Variants in CTNND2 observed in about 807,000 individuals in gnomAD.
CTNND2 encodes catenin delta-2.
CTNND2 carries 22 observed loss-of-function variants against 144.4 expected under a neutral mutation model. That is an observed-to-expected ratio of 0.15 (90% CI 0.11 to 0.22). The LOEUF is 0.22. Among genes scored for constraint, CTNND2 ranks in the 10% least tolerant of loss-of-function variants. CTNND2 has a pLI of 1.00. For synonymous variants in CTNND2, 751 were observed against 695.6 expected, an observed-to-expected ratio of 1.08 and a Z score of -1.25; for missense variants, 1,353 against 1,618.8, an observed-to-expected ratio of 0.84 and a Z score of 2.82.
At chr5:11,034,566 C>G (rs1328809127) in intron 16 of CTNND2, among the ~76,000 whole-genome samples, 1 of 152,162 alleles carries the variant, frequency 6.6e-6, no homozygotes, top group Non-Finnish European at 1.5e-5. Flanking sequence ...TCATGAAATA[C>G]AAAAACAATA....
At chr5:11,419,839 T>C (rs554109618) in intron 3 of CTNND2, among the ~76,000 whole-genome samples, 1 of 152,356 alleles carries the variant, frequency 6.6e-6, no homozygotes, top group Admixed American at 6.5e-5. Context: ...TATACTCTTA[T>C]TGTCTTTTTC....
At chr5:11,627,428 C>T (rs2126453947) in intron 2 of CTNND2, among the ~76,000 whole-genome samples, 1 of 152,158 alleles carries the variant, frequency 6.6e-6, no homozygotes, top group East Asian at 1.9e-4. Flanking sequence ...TTTAACACAG[C>T]CTCATCTACT....
intron 9 of CTNND2, among the ~76,000 whole-genome samples, chr5:11,342,331 G>A (rs895197911): frequency 2.0e-5 from 3 of 152,158 alleles, no homozygotes; most frequent in Admixed American, 6.5e-5. Context: ...CATACTCTTA[G>A]TCAAATTTTG....
At position 11,904,305 on chromosome 5, in the gene CTNND2, C is replaced by T. The variant is rs1171034574; in HGVS notation, c.-452G>A. ...CCGCGCGCGGCCCGCGCCACCTGTG[C>T]CGCCGCCGCCTCAGCCGCCGAGGGC... On this transcript the variant is annotated 5_prime_UTR_variant, in exon 1 of 22. Coordinates refer to ENST00000304623, the MANE Select transcript of CTNND2 (RefSeq NM_001332.4). The surrounding 1 kb of genome is among the most constrained non-coding windows in gnomAD (Gnocchi z 4.2). 6.8e-6 allele frequency among the ~76,000 whole-genome samples: 1 copy of T among 147,522 alleles called. No homozygotes were observed. Among genetic ancestry groups the T allele is most frequent in the Non-Finnish European group, 1.5e-5 (1 of 66,346 alleles).
chr5:11,796,194 T>C lies in CTNND2; in HGVS notation c.38-63922A>G, dbSNP rs895878856. On this transcript the variant is annotated intron_variant, in intron 1 of 21. Coordinates refer to ENST00000304623, the MANE Select transcript of CTNND2 (RefSeq NM_001332.4). ...CTCTGCACCTCCCACATTAGCTGAG[T>C]AGCAACCTCAACTGCATCTGCCATG... is the stretch of plus-strand genomic sequence containing the variant. Among the ~76,000 whole-genome samples, 10 of 152,122 alleles carry C rather than the reference T, an allele frequency of 6.6e-5. No homozygotes were observed. In the South Asian group the frequency reaches 2.1e-3, roughly 32 times the overall value.
chr5:11,253,934 A>G (rs1234083282), intron 9 of CTNND2, among the ~76,000 whole-genome samples: 2 of 152,190 alleles, frequency 1.3e-5, no homozygotes, highest in African/African-American at 4.8e-5. Flanking sequence ...CACTCAGTAT[A>G]TTTAATTTTT....
chr5:11,567,659 T>C (rs1023676666), intron 2 of CTNND2, among the ~76,000 whole-genome samples: 33 of 152,378 alleles, frequency 2.2e-4, no homozygotes, highest in Non-Finnish European at 4.1e-4. Context: ...CAGACACTGA[T>C]GAATCAAACA....
At chr5:11,893,579 A>G (rs1737162811) in intron 1 of CTNND2, among the ~76,000 whole-genome samples, 1 of 152,198 alleles carries the variant, frequency 6.6e-6, no homozygotes, top group African/African-American at 2.4e-5. Flanking sequence ...ACCAGGTATT[A>G]CCAAACTCCC....
At chr5:11,542,926 C>A (rs1008532980) in intron 3 of CTNND2, among the ~76,000 whole-genome samples, 2 of 152,198 alleles carry the variant, frequency 1.3e-5, no homozygotes, top group African/African-American at 4.8e-5. Flanking sequence ...ATGTTATACT[C>A]ATTTATTAAC....
chr5:11,523,925 C>A (rs867852198), intron 3 of CTNND2, among the ~76,000 whole-genome samples: 37 of 152,206 alleles, frequency 2.4e-4, no homozygotes, highest in African/African-American at 7.2e-5. Context: ...TTCTGGTGCT[C>A]TATCTGTGTT....
chr5:11,740,341 C>T (rs1003136087), intron 1 of CTNND2, among the ~76,000 whole-genome samples: 6 of 151,984 alleles, frequency 3.9e-5, no homozygotes, highest in South Asian at 2.1e-4. Context: ...CCAAAACAGA[C>T]GAATAGACCA....
intron 1 of CTNND2, among the ~76,000 whole-genome samples, chr5:11,865,878 G>A (rs1367567162): frequency 1.8e-5 from 2 of 111,384 alleles, no homozygotes; most frequent in Non-Finnish European, 3.6e-5. Context: ...GAATGTGGGG[G>A]CAACCTTTAG....
chr5:11,706,320 T>C (rs1785690265), intron 2 of CTNND2, among the ~76,000 whole-genome samples: 1 of 152,152 alleles, frequency 6.6e-6, no homozygotes, highest in Admixed American at 6.5e-5. Context: ...CTGAAACCAT[T>C]TCCATTGGTG....
At chr5:11,367,688 T>C (rs1035320426) in intron 7 of CTNND2, among the ~76,000 whole-genome samples, 1 of 152,216 alleles carries the variant, frequency 6.6e-6, no homozygotes, top group African/African-American at 2.4e-5. Context: ...ATGTTATAGA[T>C]GTCAAGGCCA....
chr5:11,374,273 T>C (rs1013575700), intron 7 of CTNND2, among the ~76,000 whole-genome samples: 1 of 152,210 alleles, frequency 6.6e-6, no homozygotes, highest in Non-Finnish European at 1.5e-5. Context: ...GAATTTGTAA[T>C]ATCTTTGTAC....
intron 16 of CTNND2, among the ~76,000 whole-genome samples, chr5:11,028,134 A>T (rs972253008): frequency 4.5e-4 from 68 of 152,178 alleles, no homozygotes; most frequent in African/African-American, 1.3e-3. Context: ...ATGGAGTCCT[A>T]TGTGTAGATG....
chr5:11,480,448 C>A (rs1164883259), intron 3 of CTNND2, among the ~76,000 whole-genome samples: 1 of 152,158 alleles, frequency 6.6e-6, no homozygotes, highest in Non-Finnish European at 1.5e-5. Flanking sequence ...ACGGAACTTT[C>A]TTCTCCCACA....
At chr5:11,675,614 G>GT (rs1784134176) in intron 2 of CTNND2, among the ~76,000 whole-genome samples, 1 of 151,822 alleles carries the variant, frequency 6.6e-6, no homozygotes, top group Admixed American at 6.6e-5. Context: ...AATCACAGAG[G>GT]ACCCAGAAGA....
chr5:11,507,985 G>T (rs1214883296), intron 3 of CTNND2, among the ~76,000 whole-genome samples: 2 of 100,684 alleles, frequency 2.0e-5, no homozygotes, highest in Admixed American at 1.7e-4. Flanking sequence ...ACAAAGAAAT[G>T]GATTTTTTTT....
Sources: gnomAD v4.1 joint callset for allele counts (sites outside exome capture counted in the v4.1 genomes callset) on GRCh38, gnomAD v4.1.1 for gene constraint, Gnocchi (gnomAD v3.1) non-coding constraint, MANE v1.5 for transcripts, NCBI Gene and HGNC (gene_info 2026-07-23, HGNC 2026-07-21) for gene names.